CSTPP1: variants seen among roughly 807,000 people sequenced by gnomAD.
The protein encoded by CSTPP1 is UPF0705 protein C11orf49.
At chr11:46,958,509 T>C in the CSTPP1 span, among the ~76,000 whole-genome samples, 7 of 152,160 alleles carry the variant, frequency 4.6e-5, no homozygotes, top group Non-Finnish European at 1.0e-4. Context: ...AGAGTCTCGC[T>C]ATATTGTCCA....
the CSTPP1 span, among the ~76,000 whole-genome samples, chr11:46,966,167 C>T: frequency 2.6e-5 from 4 of 152,232 alleles, no homozygotes; most frequent in South Asian, 6.2e-4. Context: ...CTCAGCCTCC[C>T]AAGTAGCTGG....
chr11:46,993,246 A>T, the CSTPP1 span, among the ~76,000 whole-genome samples: 1 of 151,292 alleles, frequency 6.6e-6, no homozygotes, highest in Non-Finnish European at 1.5e-5. Context: ...GTTTAATTAT[A>T]CCCCATTTCT....
chr11:47,136,056 G>C, the CSTPP1 span, among the ~76,000 whole-genome samples: 1 of 151,886 alleles, frequency 6.6e-6, no homozygotes, highest in Admixed American at 6.6e-5. Flanking sequence ...GGTAATTTGG[G>C]GGATAAATGT....
the CSTPP1 span, among the ~76,000 whole-genome samples, chr11:46,978,766 T>C: frequency 6.6e-6 from 1 of 152,224 alleles, no homozygotes; most frequent in African/African-American, 2.4e-5. Flanking sequence ...TGTGAGACTC[T>C]TATTTGAAAA....
chr11:46,960,717 T>C, the CSTPP1 span, among the ~76,000 whole-genome samples: 4 of 152,124 alleles, frequency 2.6e-5, no homozygotes, highest in African/African-American at 9.7e-5. Context: ...CCAGGCATGG[T>C]GGCGGGTGCC....
chr11:47,038,944 G>T, the CSTPP1 span, among the ~76,000 whole-genome samples: 3 of 122,862 alleles, frequency 2.4e-5, 1 homozygote, highest in Non-Finnish European at 3.9e-5. Flanking sequence ...TCAGAGGATG[G>T]GCCGCCGGGC....
the CSTPP1 span, among the ~76,000 whole-genome samples, chr11:47,095,376 C>T: frequency 6.6e-6 from 1 of 152,202 alleles, no homozygotes; most frequent in East Asian, 1.9e-4. Flanking sequence ...AGGAAAAATA[C>T]TCACATGATT....
the CSTPP1 span, among the ~76,000 whole-genome samples, chr11:47,093,210 T>A: frequency 6.6e-6 from 1 of 152,288 alleles, no homozygotes; most frequent in African/African-American, 2.4e-5. Flanking sequence ...TAAATAAGAA[T>A]TGAGTTTTAA....
chr11:47,074,068 G>A, the CSTPP1 span, among the ~76,000 whole-genome samples: 1 of 152,146 alleles, frequency 6.6e-6, no homozygotes, highest in East Asian at 1.9e-4. Context: ...GCCGAACGTG[G>A]TGGTGCACAC....
At chr11:47,159,515 A>T in the CSTPP1 span, 1 of 396,492 alleles carries the variant, frequency 2.5e-6, no homozygotes, top group South Asian at 1.8e-5. Flanking sequence ...CTCAAAAAAG[A>T]AAAAAAAAAC....
chr11:46,941,655 A>G, the CSTPP1 span, among the ~76,000 whole-genome samples: 8 of 152,162 alleles, frequency 5.3e-5, no homozygotes, highest in Non-Finnish European at 1.0e-4. Context: ...ATTCACCCTC[A>G]ATCTAATGAC....
the CSTPP1 span, among the ~76,000 whole-genome samples, chr11:47,150,745 G>A: frequency 6.6e-6 from 1 of 151,950 alleles, no homozygotes; most frequent in Non-Finnish European, 1.5e-5. Flanking sequence ...AGTAAGGACA[G>A]CTTCAGGGAG....
At chr11:47,102,989 G>GGAA in the CSTPP1 span, among the ~76,000 whole-genome samples, 1 of 120,540 alleles carries the variant, frequency 8.3e-6, no homozygotes, top group African/African-American at 3.2e-5. Flanking sequence ...GTGCCTCACA[G>GGAA]AAAAAAAAAA....
the CSTPP1 span, chr11:47,157,317 A>G: frequency 7.6e-7 from 1 of 1,313,916 alleles, no homozygotes; most frequent in Non-Finnish European, 1.0e-6. Context: ...CGGCCCAGGC[A>G]TTCTAGGGCC....
chr11:46,940,648 C>T, the CSTPP1 span, among the ~76,000 whole-genome samples: 1 of 151,980 alleles, frequency 6.6e-6, no homozygotes, highest in Non-Finnish European at 1.5e-5. Context: ...TATATATACA[C>T]ATATATACAT....
the CSTPP1 span, among the ~76,000 whole-genome samples, chr11:47,053,448 G>A: frequency 9.9e-5 from 15 of 151,900 alleles, no homozygotes; most frequent in Admixed American, 3.3e-4. Context: ...GTGAAACCCC[G>A]TCTCTACTAA....
the CSTPP1 span, among the ~76,000 whole-genome samples, chr11:47,081,933 AC>A: frequency 6.8e-6 from 1 of 147,890 alleles, no homozygotes; most frequent in Non-Finnish European, 1.5e-5. Context: ...CTACAAAAAA[AC>A]CTTTTTTTTT....
the CSTPP1 span, among the ~76,000 whole-genome samples, chr11:47,035,161 T>A: frequency 6.6e-6 from 1 of 152,230 alleles, no homozygotes; most frequent in African/African-American, 2.4e-5. Context: ...ATTTCCTTTG[T>A]TTATAATTGT....
At chr11:47,065,977 T>TTGTGTGTGTGTGTGTGTGTGTGTG in the CSTPP1 span, among the ~76,000 whole-genome samples, 65 of 146,094 alleles carry the variant, frequency 4.4e-4, no homozygotes, top group African/African-American at 1.5e-3. Flanking sequence ...GGTCTAACAG[T>TTGTGTGTGTGTGTGTGTGTGTGTG]TGTGTGTGTG....
Sources: gnomAD v4.1 joint callset for allele counts (sites outside exome capture counted in the v4.1 genomes callset) on GRCh38, gnomAD v4.1.1 for gene constraint, MANE v1.5 for transcripts, NCBI Gene and HGNC (gene_info 2026-07-23, HGNC 2026-07-21) for gene names.